Variants in RHBDL3 observed in about 807,000 individuals in gnomAD.
RHBDL3 encodes rhomboid-related protein 3.
RHBDL3 carries 28 observed loss-of-function variants against 48.2 expected under a neutral mutation model. That is an observed-to-expected ratio of 0.58 (90% confidence interval 0.43 to 0.80). The LOEUF (loss-of-function observed/expected upper bound fraction) is 0.80. Ranked by LOEUF, RHBDL3 falls within the 30% of genes least tolerant of loss-of-function variation. The pLI, the probability that RHBDL3 is intolerant of heterozygous loss-of-function variation, is 0.00. For synonymous variants in RHBDL3, 208 were observed against 232.3 expected (o/e 0.90, Z 0.95); for missense variants, 464 against 542.7 (o/e 0.85, Z 1.44).
At chr17:32,270,073 C>T (rs930387230) in intron 2 of RHBDL3, among the ~76,000 whole-genome samples, 7 of 148,996 alleles carry the variant, frequency 4.7e-5, no homozygotes, top group African/African-American at 1.8e-4. Context: ...CGCCGGTAAT[C>T]CCAGCATTTT....
chr17:32,279,681 C>A (rs981022981), intron 2 of RHBDL3, among the ~76,000 whole-genome samples: 1 of 152,192 alleles, frequency 6.6e-6, no homozygotes, highest in Admixed American at 6.5e-5. Context: ...TCATTTTCTA[C>A]CCCCCGTTTC....
intron 2 of RHBDL3, among the ~76,000 whole-genome samples, chr17:32,270,831 T>C (rs535383726): frequency 1.8e-3 from 281 of 152,348 alleles, no homozygotes; most frequent in African/African-American, 6.5e-3. Flanking sequence ...TTGATGGTTT[T>C]CCTAAATATT....
rs140840363 is a variant in RHBDL3, at chr17:32,283,360, T to G, written c.136-1299T>G. Among the ~76,000 whole-genome samples, 3 of 147,658 alleles carry G rather than the reference T, an allele frequency of 2.0e-5. No individual in the cohort carries two copies. In the South Asian group the frequency reaches 6.7e-4, roughly 33 times the overall value. ...TTTTTGAGATGGAGTCTCGCTGTGT[T>G]GCCCAGGCTGGAGTGCAGTGGCGTG... On this transcript the variant is annotated intron_variant, in intron 2 of 8. Coordinates refer to ENST00000269051, the MANE Select transcript of RHBDL3 (RefSeq NM_138328.3).
At chr17:32,315,322 G>A (rs553645338) in intron 7 of RHBDL3, among the ~76,000 whole-genome samples, 1 of 152,344 alleles carries the variant, frequency 6.6e-6, no homozygotes, top group African/African-American at 2.4e-5. Flanking sequence ...TTCTGTGCAC[G>A]CGCACCTCTG....
At chr17:32,293,579 CAAAAAA>C (rs5819974) in intron 4 of RHBDL3, among the ~76,000 whole-genome samples, 1 of 120,428 alleles carries the variant, frequency 8.3e-6, no homozygotes, top group Non-Finnish European at 1.8e-5. Context: ...GACCCTGTCT[CAAAAAA>C]AAAAAAACCC....
intron 7 of RHBDL3, among the ~76,000 whole-genome samples, chr17:32,311,576 C>G (rs1413159398): frequency 6.6e-6 from 1 of 152,192 alleles, no homozygotes; most frequent in Non-Finnish European, 1.5e-5. Flanking sequence ...CTCCTGAATC[C>G]TCAGTTTCTT....
At position 32,321,959 on chromosome 17, in the gene RHBDL3, T is replaced by G. The variant is rs1006397863; in HGVS notation, c.*730T>G. 6.5e-6 allele frequency: 1 copy of G among 152,954 alleles called. No homozygotes were observed. The highest frequency in any genetic ancestry group is 1.5e-5 in the Non-Finnish European group (1 of 68,616). The allele number at this position is 152,954 out of a possible 1,614,324, so 9.5% of individuals were successfully genotyped here. On this transcript the variant is annotated 3_prime_UTR_variant, in exon 9 of 9. Coordinates refer to ENST00000269051, the MANE Select transcript of RHBDL3 (RefSeq NM_138328.3). ...TGGAGAAGACAGACCCAGGACCAGC[T>G]TCAGACTTCTCCCTCCCTTTCTTCC...
intron 6 of RHBDL3, among the ~76,000 whole-genome samples, chr17:32,299,240 T>G (rs2040527875): frequency 6.6e-6 from 1 of 152,100 alleles, no homozygotes; most frequent in East Asian, 1.9e-4. Context: ...GTAACTGAAG[T>G]GGTTTCAGAA....
Position 32,321,360 on chromosome 17 carries a change from G to A in RHBDL3, c.*131G>A, listed in dbSNP as rs1003044189. 3 of 1,544,668 alleles carry A rather than the reference G, an allele frequency of 1.9e-6. No individual in the cohort carries two copies. Among genetic ancestry groups the A allele is most frequent in the South Asian group, 2.4e-5 (2 of 84,492 alleles). ...ACAGAAGACTCTGGGCCACTGTAATGTTTGTGTTTAGATTTGGACACACAG... is the reference window on the plus strand; with the variant it reads ...ACAGAAGACTCTGGGCCACTGTAATATTTGTGTTTAGATTTGGACACACAG... On this transcript the variant is annotated 3_prime_UTR_variant, in exon 9 of 9. Transcript: ENST00000269051.
In RHBDL3 at chr17:32,267,934, G is replaced by A; in HGVS notation, c.135+9G>A. ...AAGTCCTGTTTGATCAGGTATGTGA[G>A]CAGTTAACCCCCCATTTCCTTCCAG... On this transcript the variant is annotated intron_variant, in intron 2 of 8. Transcript: ENST00000269051. 1 of 1,598,438 alleles carries A rather than the reference G, an allele frequency of 6.3e-7. No homozygotes were observed. The highest frequency in any genetic ancestry group is 8.6e-7 in the Non-Finnish European group (1 of 1,165,768).
chr17:32,283,761 C>T (rs762055866), intron 2 of RHBDL3, among the ~76,000 whole-genome samples: 2 of 152,088 alleles, frequency 1.3e-5, no homozygotes, highest in Non-Finnish European at 2.9e-5. Context: ...TGCTAAGTAC[C>T]GGGGATAAGT....
At chr17:32,275,394 G>A (rs1012669813) in intron 2 of RHBDL3, among the ~76,000 whole-genome samples, 15 of 152,350 alleles carry the variant, frequency 9.8e-5, no homozygotes, top group South Asian at 6.2e-4. Flanking sequence ...GAAGGGAGCC[G>A]TCTGTGTGCC....
Position 32,298,054 on chromosome 17 carries a change from GAATA to G in RHBDL3, c.669-37_669-34del, listed in dbSNP as rs767573931. On this transcript the variant is annotated intron_variant, in intron 5 of 8. Transcript: ENST00000269051. ...TGAATGAATGAATGAATGAATGAAT[GAATA>G]GATGAATGAGTGAGTGTGGTCTCTC... The G allele has an allele frequency of 5.2e-6, 7 of 1,337,782 alleles. No homozygotes were observed. The East Asian group carries it at 7.0e-5, about 13-fold the overall frequency. The allele number at this position is 1,337,782 out of a possible 1,614,324, so 82.9% of individuals were successfully genotyped here. A position where few individuals can be genotyped will look rare whatever the true frequency, so the allele number is the denominator to read the frequency against.
At chr17:32,306,883 T>C (rs553433719) in intron 7 of RHBDL3, among the ~76,000 whole-genome samples, 1 of 152,280 alleles carries the variant, frequency 6.6e-6, no homozygotes, top group East Asian at 1.9e-4. Flanking sequence ...ATTGCACCAC[T>C]GCACACCAGC....
Position 32,312,172 on chromosome 17 carries a change from C to T in RHBDL3, c.883-4060C>T, listed in dbSNP as rs568713791. On this transcript the variant is annotated intron_variant, in intron 7 of 8. Coordinates refer to ENST00000269051, the MANE Select transcript of RHBDL3 (RefSeq NM_138328.3). Reference sequence around the variant, plus strand: ...CACTTAGGCCAGGCTTGGTGGCTCACGCCCTACAATCCCAGCACTTTGGGA... The same window carrying T: ...CACTTAGGCCAGGCTTGGTGGCTCATGCCCTACAATCCCAGCACTTTGGGA... Among the ~76,000 whole-genome samples, 3 of 152,344 alleles carry T rather than the reference C, an allele frequency of 2.0e-5. No homozygotes were observed. The East Asian group carries it at 5.8e-4, about 29-fold the overall frequency.
chr17:32,299,934 T>C (rs1015538931), intron 6 of RHBDL3, among the ~76,000 whole-genome samples: 5 of 152,138 alleles, frequency 3.3e-5, no homozygotes, highest in Admixed American at 3.3e-4. Flanking sequence ...TTTCCTGTCC[T>C]CCCAAGCTTT....
rs952983212 is a variant in RHBDL3, at chr17:32,266,443, AG to A, written c.111+148del. ...GATTGGCCGGGTCCCCGCGGGCAGG[AG>A]GGGGCGGAGGGACCGGTCTCCCCGA... is the stretch of plus-strand genomic sequence containing the variant. On this transcript the variant is annotated intron_variant, in intron 1 of 8. Coordinates refer to ENST00000269051, the MANE Select transcript of RHBDL3 (RefSeq NM_138328.3). 1.7e-4 allele frequency: 73 copies of A among 435,404 alleles called. 1 individual carries two copies. The South Asian group carries it at 2.3e-3, about 14-fold the overall frequency. The allele number at this position is 435,404 out of a possible 1,614,324, so 27.0% of individuals were successfully genotyped here. A position where few individuals can be genotyped will look rare whatever the true frequency, so the allele number is the denominator to read the frequency against.
intron 2 of RHBDL3, among the ~76,000 whole-genome samples, chr17:32,272,960 T>C (rs1361486336): frequency 6.6e-6 from 1 of 152,202 alleles, no homozygotes; most frequent in Non-Finnish European, 1.5e-5. Flanking sequence ...ATTAGAAGGT[T>C]AATGGAGGCA....
At chr17:32,289,988 A>AT (rs2040290031) in intron 4 of RHBDL3, among the ~76,000 whole-genome samples, 1 of 152,070 alleles carries the variant, frequency 6.6e-6, no homozygotes, top group African/African-American at 2.4e-5. Flanking sequence ...TGAAGTTGCG[A>AT]TTTTTCTGAG....
Sources: gnomAD v4.1 joint callset for allele counts (sites outside exome capture counted in the v4.1 genomes callset) on GRCh38, gnomAD v4.1.1 for gene constraint, MANE v1.5 for transcripts, NCBI Gene and HGNC (gene_info 2026-07-23, HGNC 2026-07-21) for gene names.